ITGA7: variants seen among roughly 807,000 people sequenced by gnomAD.
ITGA7 encodes the protein integrin alpha-7.
In ITGA7, 84 loss-of-function variants were observed where a neutral mutation model predicts 131.6. The observed-to-expected ratio is 0.64, with a 90% CI of 0.54 to 0.77. The LOEUF (loss-of-function observed/expected upper bound fraction) is 0.77. Among genes scored for constraint, ITGA7 ranks in the 30% least tolerant of loss-of-function variants. ITGA7 has a pLI of 0.00. For missense variants in ITGA7, 1,399 were observed against 1,482.9 expected, an observed-to-expected ratio of 0.94 and a Z score of 0.93; for synonymous variants, 548 against 600.7, an observed-to-expected ratio of 0.91 and a Z score of 1.28.
At chr12:55,696,239 C>T (rs1370121651) in intron 13 of ITGA7, 44 bp downstream of exon 13, 1 of 1,542,256 alleles carries the variant, frequency 6.5e-7, no homozygotes, top group Non-Finnish European at 8.7e-7. Context: ...TGATCTTTGC[C>T]CTCCCAGCTC....
chr12:55,711,806 G>A (rs570038933), upstream of ITGA7, among the ~76,000 whole-genome samples: 1 of 152,204 alleles, frequency 6.6e-6, no homozygotes, highest in African/African-American at 2.4e-5. Flanking sequence ...TGTATGAGTG[G>A]AAGCTGAGGC....
At chr12:55,698,346 C>A in intron 7 of ITGA7, 37 bp downstream of exon 7, 1 of 1,557,502 alleles carries the variant, frequency 6.4e-7, no homozygotes, top group Non-Finnish European at 8.7e-7. Context: ...CTCCTGTGGC[C>A]CCTCCCTCCC....
chr12:55,692,197 G>A (rs1414101891), intron 21 of ITGA7, among the ~76,000 whole-genome samples: 1 of 152,204 alleles, frequency 6.6e-6, no homozygotes, highest in African/African-American at 2.4e-5. Flanking sequence ...CAGATCGCTC[G>A]AGGTTAGGAG....
chr12:55,695,022 T>G (rs116677242), intron 14 of ITGA7, 52 bp from the exon 15 acceptor site: 301 of 1,526,262 alleles, frequency 2.0e-4, no homozygotes, highest in East Asian at 5.4e-4. Context: ...CCCCCTACCA[T>G]TCCCCCGCCC....
chr12:55,701,746 A>G (rs531873827), intron 3 of ITGA7, among the ~76,000 whole-genome samples: 2 of 151,904 alleles, frequency 1.3e-5, no homozygotes, highest in African/African-American at 4.8e-5. Context: ...ATGACTGGCT[A>G]ATTTGTTTTT....
chr12:55,689,014 C>T lies in ITGA7; in HGVS notation c.2845-57G>A, dbSNP rs1331907432. 6.1e-6 allele frequency: 8 copies of T among 1,311,566 alleles called. No homozygotes were observed. In the South Asian group the frequency reaches 7.1e-5, roughly 12 times the overall value. The allele number at this position is 1,311,566 out of a possible 1,614,324, so 81.2% of individuals were successfully genotyped here. ...ACTCAGCTCAACCCTGCTGAGACTGCCATCTCTCCCATTTTCCTTACTTGA... is the reference window on the plus strand; with the variant it reads ...ACTCAGCTCAACCCTGCTGAGACTGTCATCTCTCCCATTTTCCTTACTTGA... On this transcript the variant is annotated intron_variant, in intron 21 of 24. Coordinates refer to ENST00000257879, the MANE Select transcript of ITGA7 (RefSeq NM_002206.3).
rs1874423133 is a variant in ITGA7 at position 55,703,112 on chromosome 12, G to C, written c.273C>G (p.Leu91=). ...PGQQANRTGG[L]FACPLSLEET... is the part of the protein sequence containing the mutation. Reference sequence around the variant, plus strand: ...CCTCCAGGCTCAACGGGCAAGCGAAGAGGCCTCCAGTGCGATTCGCCTGCT... The same window carrying C: ...CCTCCAGGCTCAACGGGCAAGCGAACAGGCCTCCAGTGCGATTCGCCTGCT... The change falls in exon 2 of 25, where the codon CTC becomes CTG. Residue 91 remains leucine, a synonymous_variant. Coordinates refer to ENST00000257879, the MANE Select transcript of ITGA7 (RefSeq NM_002206.3). 6.2e-7 allele frequency: 1 copy of C among 1,613,862 alleles called. No homozygotes were observed.
intron 1 of ITGA7, among the ~76,000 whole-genome samples, chr12:55,703,825 A>G (rs768951074): frequency 6.6e-6 from 1 of 151,894 alleles, no homozygotes; most frequent in African/African-American, 2.4e-5. Flanking sequence ...TCTGCCTCCA[A>G]TGCTACCCCA....
intron 20 of ITGA7, 23 bp downstream of exon 20, chr12:55,693,118 C>T (rs965945132): frequency 2.4e-5 from 38 of 1,612,554 alleles, no homozygotes; most frequent in African/African-American, 1.5e-4. Flanking sequence ...CACATCTAAC[C>T]CCCACCCCCA....
intron 14 of ITGA7, 24 bp downstream of exon 14, chr12:55,695,498 C>G (rs764961293): frequency 7.9e-7 from 1 of 1,267,454 alleles, no homozygotes; most frequent in Non-Finnish European, 1.2e-6. Flanking sequence ...CTCCCACCCC[C>G]ACCCTGCTCT....
In ITGA7 at chr12:55,698,443, C is replaced by T. The variant is rs767759170; in HGVS notation, c.1132G>A (p.Asp378Asn). ...ISPLRLCGSPDSMFGISLAVL... is the reference protein window; with the variant it reads ...ISPLRLCGSPNSMFGISLAVL... The stretch of plus-strand genomic sequence containing the variant: ...GCCAGGCTGATCCCGAACATGGAGT[C>T]AGGGGAGCCGCAGAGCCGGAGAGGG... Residue 378 changes from aspartate (D) to asparagine (N), a missense_variant, in exon 7 of 25, where the codon GAC becomes AAC. Asp to Asn is a conservative substitution (Grantham distance 23). Coordinates refer to ENST00000257879, the MANE Select transcript of ITGA7 (RefSeq NM_002206.3). The T allele has an allele frequency of 2.2e-5, 35 of 1,613,540 alleles. No homozygotes were observed. The highest frequency in any genetic ancestry group is 3.0e-5 in the Non-Finnish European group (35 of 1,179,712).
At chr12:55,715,917 A>C (rs1038219924), upstream of ITGA7, 9 of 1,130,848 alleles carry the variant, frequency 8.0e-6, no homozygotes, top group Admixed American at 1.2e-4. Flanking sequence ...TCCAACACTC[A>C]CCAAAAACTA....
chr12:55,694,532 G>A lies in ITGA7; in HGVS notation c.2278-10C>T, dbSNP rs1198533191. On this transcript the variant is annotated splice_polypyrimidine_tract_variant and intron_variant, in intron 16 of 24. Coordinates refer to ENST00000257879, the MANE Select transcript of ITGA7 (RefSeq NM_002206.3). This position sits in a 1 kb window ranked among gnomAD's most constrained non-coding sequence, Gnocchi z 5.3. ...TGAGGTAGAAGGTGACCTAGGCCAAGGGTGGAAAGAGATTAGAGTCAGGGG... is the reference window on the plus strand; with the variant it reads ...TGAGGTAGAAGGTGACCTAGGCCAAAGGTGGAAAGAGATTAGAGTCAGGGG... 6.2e-7 allele frequency: 1 copy of A among 1,613,970 alleles called. No homozygotes were observed. The highest frequency in any genetic ancestry group is 2.2e-5 in the East Asian group (1 of 44,892).
chr12:55,700,795 G>A (rs750148173), intron 4 of ITGA7, 104 bp downstream of exon 4: 3 of 1,421,038 alleles, frequency 2.1e-6, no homozygotes, highest in South Asian at 1.2e-5. Flanking sequence ...GGGCCATACA[G>A]CAGTGCACAT....
intron 6 of ITGA7, 67 bp from the exon 7 acceptor site, chr12:55,698,643 G>A: frequency 6.2e-7 from 1 of 1,608,852 alleles, no homozygotes; most frequent in Non-Finnish European, 8.5e-7. Flanking sequence ...GAGGCTAAGT[G>A]GCCTCAGCCA....
Position 55,687,964 on chromosome 12 carries a change from G to C in ITGA7, c.3183+7C>G. Reference sequence around the variant, plus strand: ...CCACCCCCATCAGCCCCACCTCCAAGCCTCACCTTCCACAGGAGCAGCACC... The same window carrying C: ...CCACCCCCATCAGCCCCACCTCCAACCCTCACCTTCCACAGGAGCAGCACC... On this transcript the variant is annotated splice_region_variant and intron_variant, in intron 24 of 24. Transcript: ENST00000257879. The C allele has an allele frequency of 1.2e-6, 2 of 1,614,086 alleles. No individual in the cohort carries two copies. Among genetic ancestry groups the C allele is most frequent in the Non-Finnish European group, 1.7e-6 (2 of 1,180,010 alleles).
At position 55,707,821 on chromosome 12, in the gene ITGA7, C is replaced by CCCCAA; in HGVS notation, c.-140_-139insTTGGG. 1.0e-5 allele frequency: 8 copies of CCCCAA among 775,638 alleles called. No homozygotes were observed. The highest frequency in any genetic ancestry group is 1.8e-5 in the African/African-American group (1 of 54,552). 48.0% of individuals were successfully genotyped at this position (775,638 alleles called of 1,614,324 possible). ...GTCTCCCAGACGTTCGCCCCGCCAGCCCTCCCGCCCGCCCGCCGCTCCGCC... is the reference window on the plus strand; with the variant it reads ...GTCTCCCAGACGTTCGCCCCGCCAGCCCCAACCTCCCGCCCGCCCGCCGCTCCGCC... On this transcript the variant is annotated 5_prime_UTR_variant, in exon 1 of 25. Transcript: ENST00000257879.
At chr12:55,707,991 G>A (rs1420384602), upstream of ITGA7, 45 of 1,263,212 alleles carry the variant, frequency 3.6e-5, no homozygotes, top group Non-Finnish European at 4.1e-5. Flanking sequence ...GGAGACCCAA[G>A]CCCGTCTCCA....
At position 55,693,180 on chromosome 12, in the gene ITGA7, C is replaced by G. The variant is rs759955679; in HGVS notation, c.2673G>C (p.Gln891His). 6.2e-7 allele frequency: 1 copy of G among 1,614,118 alleles called. No individual in the cohort carries two copies. Among genetic ancestry groups the G allele is most frequent in the South Asian group, 1.1e-5 (1 of 91,074 alleles). ...TGGGCCTGGGAGAGCAAAGCCCTTTCTGCCCAGGCCCCTGCCCGCCCTCCA... is the reference window on the plus strand; with the variant it reads ...TGGGCCTGGGAGAGCAAAGCCCTTTGTGCCCAGGCCCCTGCCCGCCCTCCA... ...VELEGGQGPG[Q>H]KGLCSPRPNI... The change falls in exon 20 of 25, where the codon CAG becomes CAC. Residue 891 changes from glutamine (Q) to histidine (H), a missense_variant. Physicochemically the swap from Gln to His is conservative, Grantham distance 24 (BLOSUM62 0). Transcript: ENST00000257879.
Sources: gnomAD v4.1 joint callset for allele counts (sites outside exome capture counted in the v4.1 genomes callset) on GRCh38, gnomAD v4.1.1 for gene constraint, Gnocchi (gnomAD v3.1) non-coding constraint, MANE v1.5 for transcripts, NCBI Gene and HGNC (gene_info 2026-07-23, HGNC 2026-07-21) for gene names.